CCDC30: variants seen among roughly 807,000 people sequenced by gnomAD.
The protein encoded by CCDC30 is coiled-coil domain containing 30.
Under a neutral mutation model 100.2 loss-of-function variants are expected in CCDC30, and 70 were observed. That is an observed-to-expected ratio of 0.70 (90% confidence interval 0.58 to 0.85). The LOEUF (loss-of-function observed/expected upper bound fraction) is 0.85, where lower values mean the gene tolerates loss of function less well. Ranked by LOEUF, CCDC30 falls within the 40% of genes least tolerant of loss-of-function variation. The pLI, the probability that CCDC30 is intolerant of heterozygous loss-of-function variation, is 0.00. For missense variants in CCDC30, 652 were observed against 771.2 expected (o/e 0.85, Z 1.83); for synonymous variants, 233 against 269.5 (o/e 0.86, Z 1.33).
intron 6 of CCDC30, among the ~76,000 whole-genome samples, chr1:42,557,340 AT>A (rs1416696111): frequency 6.6e-6 from 1 of 152,206 alleles, no homozygotes; most frequent in African/African-American, 2.4e-5. Flanking sequence ...GAGTCACTGA[AT>A]TTGTTCAGAA....
intron 15 of CCDC30, among the ~76,000 whole-genome samples, chr1:42,646,890 G>A (rs533436047): frequency 3.5e-4 from 54 of 152,276 alleles, no homozygotes; most frequent in Admixed American, 3.3e-3. Flanking sequence ...CTGAGGTCAG[G>A]AGTTCGAGAC....
chr1:42,545,176 A>AT, intron 6 of CCDC30, among the ~76,000 whole-genome samples: 3 of 137,434 alleles, frequency 2.2e-5, no homozygotes, highest in Non-Finnish European at 3.0e-5. Flanking sequence ...AAAAAAAAAA[A>AT]AAAAAAAAAA....
At chr1:42,490,547 T>C (rs941359875) in intron 4 of CCDC30, among the ~76,000 whole-genome samples, 1 of 151,536 alleles carries the variant, frequency 6.6e-6, no homozygotes, top group Non-Finnish European at 1.5e-5. Context: ...ACTGTTATTA[T>C]TACTACTACT....
chr1:42,456,453 G>C, the CCDC30 span: 4 of 1,136,304 alleles, frequency 3.5e-6, no homozygotes, highest in Non-Finnish European at 4.8e-6. Context: ...AGTGTCAAAA[G>C]AAGGGTAGTG....
At chr1:42,472,488 G>A (rs1428579106) in intron 1 of CCDC30, among the ~76,000 whole-genome samples, 3 of 152,118 alleles carry the variant, frequency 2.0e-5, no homozygotes, top group Non-Finnish European at 4.4e-5. Flanking sequence ...ATCCTGGATA[G>A]TATAGAATTA....
intron 10 of CCDC30, among the ~76,000 whole-genome samples, chr1:42,605,942 A>T (rs1646493107): frequency 1.3e-5 from 2 of 152,298 alleles, no homozygotes; most frequent in South Asian, 4.2e-4. Flanking sequence ...ATTCTTTTGG[A>T]AAATTTTCTG....
At chr1:42,549,431 A>G (rs1195187502) in intron 6 of CCDC30, among the ~76,000 whole-genome samples, 2 of 152,216 alleles carry the variant, frequency 1.3e-5, no homozygotes, top group Non-Finnish European at 2.9e-5. Context: ...AGTCACGAGA[A>G]GTACTACTTT....
intron 1 of CCDC30, among the ~76,000 whole-genome samples, chr1:42,467,985 C>T (rs1227115906): frequency 6.6e-6 from 1 of 152,190 alleles, no homozygotes. Context: ...GGAGCAAACT[C>T]GCAGGGAAGC....
intron 1 of CCDC30, among the ~76,000 whole-genome samples, chr1:42,475,370 T>C (rs185004657): frequency 6.6e-6 from 1 of 152,144 alleles, no homozygotes; most frequent in East Asian, 1.9e-4. Flanking sequence ...AGGTGGAAAA[T>C]TATGCAAACT....
intron 7 of CCDC30, among the ~76,000 whole-genome samples, chr1:42,576,355 A>C (rs991773705): frequency 1.1e-4 from 16 of 152,214 alleles, no homozygotes; most frequent in Admixed American, 2.6e-4. Flanking sequence ...TTCATAATGG[A>C]AAAGGAAGAC....
At chr1:42,599,573 T>C (rs889622852) in intron 10 of CCDC30, among the ~76,000 whole-genome samples, 4 of 152,200 alleles carry the variant, frequency 2.6e-5, no homozygotes, top group Non-Finnish European at 4.4e-5. Context: ...ATAATCACTT[T>C]AGACATCAAT....
chr1:42,522,072 C>CATATATTT (rs1644656957), intron 6 of CCDC30, among the ~76,000 whole-genome samples: 3 of 152,100 alleles, frequency 2.0e-5, no homozygotes, highest in Non-Finnish European at 4.4e-5. Context: ...AACTTATGCA[C>CATATATTT]ATTCTCCCAT....
intron 15 of CCDC30, 28 bp downstream of exon 19, chr1:42,646,345 A>T: frequency 6.9e-7 from 1 of 1,451,310 alleles, no homozygotes; most frequent in Non-Finnish European, 9.1e-7. Flanking sequence ...CCACATCCAC[A>T]ATACCCTTCC....
intron 11 of CCDC30, among the ~76,000 whole-genome samples, chr1:42,630,966 G>A (rs1466442613): frequency 1.3e-5 from 2 of 152,006 alleles, no homozygotes; most frequent in Non-Finnish European, 2.9e-5. Flanking sequence ...ATGGGTCCCT[G>A]GTGCCTTGTT....
intron 11 of CCDC30, among the ~76,000 whole-genome samples, chr1:42,620,001 T>C (rs911613998): frequency 3.2e-4 from 48 of 152,242 alleles, no homozygotes; most frequent in African/African-American, 1.1e-3. Flanking sequence ...ATAAGTCTGC[T>C]TTGTTCTTCC....
the CCDC30 span, chr1:42,457,401 G>A: frequency 1.3e-6 from 2 of 1,505,584 alleles, no homozygotes; most frequent in East Asian, 2.3e-5. Context: ...CCAATCTTGG[G>A]TTAATTTCCT....
chr1:42,547,767 A>G (rs771322876), intron 6 of CCDC30, among the ~76,000 whole-genome samples: 1 of 152,166 alleles, frequency 6.6e-6, no homozygotes, highest in Non-Finnish European at 1.5e-5. Flanking sequence ...TCATGGGTCC[A>G]TAACACAACC....
intron 6 of CCDC30, among the ~76,000 whole-genome samples, chr1:42,528,666 G>A (rs1244145905): frequency 6.6e-6 from 1 of 152,144 alleles, no homozygotes; most frequent in African/African-American, 2.4e-5. Context: ...GAATTGGGTG[G>A]GCCTTAATAT....
intron 6 of CCDC30, among the ~76,000 whole-genome samples, chr1:42,549,115 C>T (rs961032934): frequency 6.6e-6 from 1 of 152,078 alleles, no homozygotes; most frequent in Non-Finnish European, 1.5e-5. Context: ...TGCAGAGGGG[C>T]CTCAGAAATT....
Sources: allele counts gnomAD v4.1 joint callset (sites outside exome capture counted in the v4.1 genomes callset), GRCh38; gene constraint gnomAD v4.1.1; transcripts MANE v1.5; gene names NCBI Gene and HGNC (gene_info 2026-07-23, HGNC 2026-07-21).